Variants in MYH3 observed in about 807,000 individuals in gnomAD.
MYH3 encodes the protein myosin heavy chain 3, also known as myosin-3.
Under a neutral mutation model 238.0 loss-of-function variants are expected in MYH3, and 130 were observed. That is an observed-to-expected ratio of 0.55 (90% CI 0.47 to 0.63). The LOEUF (loss-of-function observed/expected upper bound fraction) is 0.63, where lower values mean the gene tolerates loss of function less well. MYH3 is among the 30% of genes least tolerant of loss of function. The pLI, the probability that MYH3 is intolerant of heterozygous loss-of-function variation, is 0.00. For missense variants in MYH3, 1,853 were observed against 2,374.9 expected, an observed-to-expected ratio of 0.78 and a Z score of 4.57; for synonymous variants, 880 against 924.1, an observed-to-expected ratio of 0.95 and a Z score of 0.86.
chr17:10,671,572 A>ATT, the MYH3 span, among the ~76,000 whole-genome samples: 857 of 82,274 alleles, frequency 0.01, 1 homozygote, highest in Non-Finnish European at 0.014. Flanking sequence ...TCTCAGGGTC[A>ATT]TTTTTTTTTT....
At position 10,649,851 on chromosome 17, in the gene MYH3, T is replaced by A. The variant is rs546829981; in HGVS notation, c.534-166A>T. Among the ~76,000 whole-genome samples the A allele has an allele frequency of 4.6e-5, 7 of 152,336 alleles. No homozygotes were observed. In the South Asian group the frequency reaches 1.5e-3, roughly 32 times the overall value. On this transcript the variant is annotated intron_variant, in intron 6 of 40. Transcript: ENST00000583535. ...AGAAGGCAGACGCCCAGGGCACAGG[T>A]GCCACAGGCACTTGCTCAGCTGACC...
the MYH3 span, among the ~76,000 whole-genome samples, chr17:10,664,552 CTG>C: frequency 1.2e-4 from 18 of 152,226 alleles, no homozygotes; most frequent in Non-Finnish European, 2.9e-5. Context: ...AAACTTCGAT[CTG>C]TGAGTGAAAG....
intron 22 of MYH3, 83 bp from the exon 23 acceptor site, chr17:10,639,885 A>G (rs2074252250): frequency 1.3e-6 from 2 of 1,594,442 alleles, no homozygotes; most frequent in South Asian, 2.3e-5. Flanking sequence ...GAAGTTCTTT[A>G]TGAAGCATTT....
upstream of MYH3, chr17:10,657,347 T>TTTATA (rs1412863790): frequency 1.3e-5 from 2 of 152,214 alleles, no homozygotes; most frequent in Non-Finnish European, 2.9e-5. Context: ...TATAGGCCAT[T>TTTATA]GGTAACCCCC....
chr17:10,666,578 C>CA, the MYH3 span, among the ~76,000 whole-genome samples: 22,310 of 68,540 alleles, frequency 0.33, 2,556 homozygotes, highest in Non-Finnish European at 0.38. Flanking sequence ...CTTGTCTCTA[C>CA]AAAAAAAAAA....
chr17:10,649,482 G>A, intron 7 of MYH3, 95 bp downstream of exon 7: 1 of 961,518 alleles, frequency 1.0e-6, no homozygotes, highest in Non-Finnish European at 1.7e-6. Flanking sequence ...ATTCTCTGAA[G>A]AGGGGGGAAT....
At chr17:10,666,968 CATATGAAAA>C in the MYH3 span, among the ~76,000 whole-genome samples, 89 of 152,168 alleles carry the variant, frequency 5.8e-4, no homozygotes, top group African/African-American at 2.0e-3. Context: ...GGGCTTTAAA[CATATGAAAA>C]ATGCTTACCT....
the MYH3 span, among the ~76,000 whole-genome samples, chr17:10,665,218 C>G: frequency 6.6e-6 from 1 of 152,146 alleles, no homozygotes; most frequent in Non-Finnish European, 1.5e-5. Flanking sequence ...TCTTGGCTCA[C>G]TGGAACCTCC....
chr17:10,630,205 G>C lies in MYH3; in HGVS notation c.5458-9C>G, dbSNP rs1190719556. The C allele has an allele frequency of 6.2e-7, 1 of 1,614,174 alleles. No individual in the cohort carries two copies. The highest frequency in any genetic ancestry group is 8.5e-7 in the Non-Finnish European group (1 of 1,180,018). On this transcript the variant is annotated splice_polypyrimidine_tract_variant and intron_variant, in intron 37 of 40. Coordinates refer to ENST00000583535, the MANE Select transcript of MYH3 (RefSeq NM_002470.4). ...AACTCCAGCTCTCGGATCTGGGGGA[G>C]AGGGTGGGGAAATTAGTCTGGGGCT... is the stretch of plus-strand genomic sequence containing the variant.
chr17:10,658,443 C>T (rs146265058), upstream of MYH3: 1 of 152,388 alleles, frequency 6.6e-6, no homozygotes, highest in Non-Finnish European at 1.5e-5. Flanking sequence ...GCTGCGGTCT[C>T]AGGGCAAAGG....
intron 2 of MYH3, 64 bp from the exon 3 acceptor site, chr17:10,655,136 C>A: frequency 1.5e-6 from 2 of 1,308,918 alleles, no homozygotes; most frequent in Non-Finnish European, 2.2e-6. Flanking sequence ...CAGCTCCAGG[C>A]CTGTTTCAGC....
the MYH3 span, among the ~76,000 whole-genome samples, chr17:10,664,475 G>A: frequency 6.6e-6 from 1 of 152,182 alleles, no homozygotes; most frequent in African/African-American, 2.4e-5. Context: ...GGGATGGACG[G>A]TTCAGGAGTT....
At chr17:10,644,536 A>T in intron 13 of MYH3, 36 bp from the exon 14 acceptor site, 2 of 1,613,868 alleles carry the variant, frequency 1.2e-6, no homozygotes, top group Non-Finnish European at 1.7e-6. Context: ...GATATGAAGG[A>T]AGTGGCCAGC....
chr17:10,635,133 T>C, intron 30 of MYH3, 110 bp from the exon 31 acceptor site: 1 of 1,377,674 alleles, frequency 7.3e-7, no homozygotes, highest in Non-Finnish European at 1.0e-6. Context: ...ACCCATGTGT[T>C]TTTATACGCC....
the MYH3 span, among the ~76,000 whole-genome samples, chr17:10,671,894 G>A: frequency 6.6e-6 from 1 of 152,090 alleles, no homozygotes; most frequent in African/African-American, 2.4e-5. Flanking sequence ...GAACACCCGC[G>A]CCCAGCCAGG....
At chr17:10,669,377 A>T in the MYH3 span, among the ~76,000 whole-genome samples, 6 of 151,914 alleles carry the variant, frequency 3.9e-5, no homozygotes, top group Non-Finnish European at 7.4e-5. Context: ...ACATGGTGAA[A>T]CCCCATCTCT....
rs201436286 is a variant in MYH3 at position 10,635,505 on chromosome 17, C to T, written c.4034G>A (p.Arg1345Gln). ...QSSRHDCDLL[R>Q]EQYEEEQEGK... ...TTCCTGCTCCTCCTCATACTGTTCC[C>T]GCAGCAGGTCACAGTCGTGGCGGGA... Residue 1345 changes from arginine to glutamine, a missense_variant, in exon 30 of 41, where the codon CGG (arginine) becomes CAG (glutamine). Arg to Gln is a conservative substitution (Grantham distance 43). This residue lies in a region of MYH3 where 1,044 missense variants were observed against 1,192.6 expected (regional missense o/e 0.88). Transcript: ENST00000583535. 62 of 1,614,216 alleles carry T rather than the reference C, an allele frequency of 3.8e-5. 1 individual carries two copies. Among genetic ancestry groups the T allele is most frequent in the Admixed American group, 1.0e-4 (6 of 60,026 alleles).
rs1179607619 is a variant in MYH3, at chr17:10,642,320, A to G, written c.1889-10T>C. 3 of 1,613,970 alleles carry G rather than the reference A, an allele frequency of 1.9e-6. No homozygotes were observed. The highest frequency in any genetic ancestry group is 1.7e-5 in the Admixed American group (1 of 59,994). The stretch of plus-strand genomic sequence containing the variant: ...TTCTTTCCACTGTCAGCTGAAAGCA[A>G]TAAGGGAGGGCACGTGCTGTAGGTG... On this transcript the variant is annotated splice_polypyrimidine_tract_variant and intron_variant, in intron 16 of 40. Transcript: ENST00000583535. This position sits in a 1 kb window ranked among gnomAD's most constrained non-coding sequence, Gnocchi z 5.4.
At chr17:10,637,182 C>T (rs1308585334) in intron 28 of MYH3, among the ~76,000 whole-genome samples, 5 of 151,932 alleles carry the variant, frequency 3.3e-5, no homozygotes, top group Admixed American at 1.3e-4. Context: ...GCCTCAGCCT[C>T]CCAAGTAGCT....
Sources: gnomAD v4.1 joint callset for allele counts (sites outside exome capture counted in the v4.1 genomes callset) on GRCh38, gnomAD v4.1.1 for gene constraint, gnomAD v4.1.1 regional missense constraint, Gnocchi (gnomAD v3.1) non-coding constraint, MANE v1.5 for transcripts, NCBI Gene and HGNC (gene_info 2026-07-23, HGNC 2026-07-21) for gene names.